HS3ST4: variants seen among roughly 807,000 people sequenced by gnomAD.
The protein encoded by HS3ST4 is heparan sulfate-glucosamine 3-sulfotransferase 4.
A neutral mutation model predicts 29.2 loss-of-function variants in HS3ST4; 17 were observed. That is an observed-to-expected ratio of 0.58 (90% CI 0.40 to 0.87). The LOEUF is 0.87. HS3ST4 is among the 40% of genes least tolerant of loss of function. The pLI, the probability that HS3ST4 is intolerant of heterozygous loss-of-function variation, is 0.00. For synonymous variants in HS3ST4, 314 were observed against 285.7 expected, an observed-to-expected ratio of 1.10 and a Z score of -1.00; for missense variants, 627 against 634.5, an observed-to-expected ratio of 0.99 and a Z score of 0.13.
intron 1 of HS3ST4, among the ~76,000 whole-genome samples, chr16:25,807,848 T>A (rs1198002406): frequency 6.6e-6 from 1 of 152,180 alleles, no homozygotes; most frequent in Non-Finnish European, 1.5e-5. Context: ...TTTAAATAGG[T>A]GAGTAGTGGT....
At chr16:25,743,963 G>A (rs915588143) in intron 1 of HS3ST4, among the ~76,000 whole-genome samples, 4 of 152,076 alleles carry the variant, frequency 2.6e-5, no homozygotes, top group Non-Finnish European at 5.9e-5. Context: ...CTCTTCTCCA[G>A]TTTAAATAGC....
intron 1 of HS3ST4, among the ~76,000 whole-genome samples, chr16:25,918,746 A>C (rs1039090345): frequency 1.3e-5 from 2 of 152,210 alleles, no homozygotes; most frequent in African/African-American, 4.8e-5. Flanking sequence ...CACAGGTTGC[A>C]GTGAGCCGAG....
At chr16:25,705,481 C>T (rs1290678072) in intron 1 of HS3ST4, among the ~76,000 whole-genome samples, 7 of 152,066 alleles carry the variant, frequency 4.6e-5, no homozygotes, top group African/African-American at 7.2e-5. Context: ...CTGGCTAACA[C>T]GGTGAAACCC....
At chr16:25,992,042 C>T (rs1472713481) in intron 1 of HS3ST4, among the ~76,000 whole-genome samples, 2 of 151,020 alleles carry the variant, frequency 1.3e-5, no homozygotes, top group African/African-American at 2.4e-5. Context: ...AACAAACAAA[C>T]AAAACAAAAA....
intron 1 of HS3ST4, among the ~76,000 whole-genome samples, chr16:25,794,495 C>G (rs1286865357): frequency 6.6e-6 from 1 of 151,068 alleles, no homozygotes; most frequent in Non-Finnish European, 1.5e-5. Context: ...AATGTTTTCT[C>G]TGATTATAGA....
chr16:26,104,601 G>A (rs4534848), intron 1 of HS3ST4, among the ~76,000 whole-genome samples: 88,665 of 151,884 alleles, frequency 0.58, 26,383 homozygotes, highest in Middle Eastern at 0.67. Flanking sequence ...AGCTAGTTTC[G>A]TGGCTTCAAA....
chr16:26,032,116 A>C (rs887424270), intron 1 of HS3ST4, among the ~76,000 whole-genome samples: 1 of 152,186 alleles, frequency 6.6e-6, no homozygotes, highest in Non-Finnish European at 1.5e-5. Flanking sequence ...CTGGTAACCA[A>C]TGACTAGGGG....
At chr16:25,812,960 T>C (rs1434439377) in intron 1 of HS3ST4, among the ~76,000 whole-genome samples, 5 of 152,190 alleles carry the variant, frequency 3.3e-5, no homozygotes, top group Non-Finnish European at 7.3e-5. Context: ...TCTTGGTTCA[T>C]GTAACTGAAA....
At chr16:25,803,784 C>A (rs185281634) in intron 1 of HS3ST4, among the ~76,000 whole-genome samples, 10 of 152,254 alleles carry the variant, frequency 6.6e-5, no homozygotes, top group African/African-American at 2.4e-4. Flanking sequence ...AGCAGAGATG[C>A]AGGAGATAGG....
rs757421320 is a variant in HS3ST4, at chr16:25,761,623, C to A, written c.734+68472C>A. On this transcript the variant is annotated intron_variant, in intron 1 of 1. Coordinates refer to ENST00000331351, the MANE Select transcript of HS3ST4 (RefSeq NM_006040.3). ...GATTGAGCTGAGAAATGGATGGGAA[C>A]CAGATCTTGAGAGTCAGTTCTCCAA... Among the ~76,000 whole-genome samples the A allele has an allele frequency of 4.6e-5, 7 of 152,278 alleles. No homozygotes were observed. In the South Asian group the frequency reaches 6.2e-4, roughly 14 times the overall value.
chr16:25,883,881 G>A (rs939626124), intron 1 of HS3ST4, among the ~76,000 whole-genome samples: 2 of 152,078 alleles, frequency 1.3e-5, no homozygotes, highest in Non-Finnish European at 2.9e-5. Flanking sequence ...TTGGGAGGCC[G>A]AGGCAGGTGG....
At chr16:26,098,490 A>T (rs1260443160) in intron 1 of HS3ST4, among the ~76,000 whole-genome samples, 2 of 152,196 alleles carry the variant, frequency 1.3e-5, no homozygotes, top group African/African-American at 2.4e-5. Flanking sequence ...AAGGACAGAA[A>T]ACTGAACACT....
chr16:25,892,661 A>G (rs1355960660), intron 1 of HS3ST4, among the ~76,000 whole-genome samples: 1 of 152,198 alleles, frequency 6.6e-6, no homozygotes, highest in African/African-American at 2.4e-5. Context: ...CACTTAACTG[A>G]AAAGTCCTGG....
chr16:25,979,114 C>G (rs796995393), intron 1 of HS3ST4, among the ~76,000 whole-genome samples: 2 of 151,996 alleles, frequency 1.3e-5, no homozygotes, highest in African/African-American at 2.4e-5. Flanking sequence ...TCAGGCTGGT[C>G]TCGAACTCCG....
intron 1 of HS3ST4, among the ~76,000 whole-genome samples, chr16:26,127,828 A>G (rs138570200): frequency 6.6e-6 from 1 of 152,200 alleles, no homozygotes. Context: ...CCTAAAACAT[A>G]TGTACCTGCC....
intron 1 of HS3ST4, among the ~76,000 whole-genome samples, chr16:25,864,167 A>G (rs1967669007): frequency 6.6e-6 from 1 of 152,216 alleles, no homozygotes; most frequent in Admixed American, 6.5e-5. Flanking sequence ...CTTTTCTCCC[A>G]GCTTTATTAA....
intron 1 of HS3ST4, among the ~76,000 whole-genome samples, chr16:25,812,279 A>G (rs1270759183): frequency 2.0e-5 from 3 of 152,186 alleles, no homozygotes; most frequent in South Asian, 2.1e-4. Flanking sequence ...AACCTCACCT[A>G]CATCCCTAGC....
chr16:25,965,626 G>A (rs772569581), intron 1 of HS3ST4, among the ~76,000 whole-genome samples: 3 of 152,128 alleles, frequency 2.0e-5, no homozygotes, highest in Non-Finnish European at 4.4e-5. Context: ...GACCTTGCAA[G>A]TCCATTCCTT....
At chr16:25,994,110 C>T (rs1005711852) in intron 1 of HS3ST4, among the ~76,000 whole-genome samples, 1 of 151,750 alleles carries the variant, frequency 6.6e-6, no homozygotes, top group African/African-American at 2.4e-5. Flanking sequence ...AATCTAATTA[C>T]CTCCCAAAGG....
Sources: gnomAD v4.1 joint callset for allele counts (sites outside exome capture counted in the v4.1 genomes callset) on GRCh38, gnomAD v4.1.1 for gene constraint, MANE v1.5 for transcripts, NCBI Gene and HGNC (gene_info 2026-07-23, HGNC 2026-07-21) for gene names.